The following MICU1 variants were observed in gnomAD, a reference collection of about 807,000 sequenced individuals.
MICU1 encodes calcium uptake protein 1, mitochondrial.
In MICU1, 45 loss-of-function variants were observed where a neutral mutation model predicts 56.8. That is an observed-to-expected ratio of 0.79 (90% CI 0.62 to 1.02). The LOEUF (loss-of-function observed/expected upper bound fraction) is 1.02, where lower values mean the gene tolerates loss of function less well. Among genes scored for constraint, MICU1 ranks in the 50% least tolerant of loss-of-function variants. The pLI is 0.00. For synonymous variants in MICU1, 186 were observed against 195.1 expected (o/e 0.95, Z 0.39); for missense variants, 504 against 587.1 (o/e 0.86, Z 1.46).
At chr10:72,481,397 G>T (rs970210681) in intron 6 of MICU1, among the ~76,000 whole-genome samples, 2 of 151,892 alleles carry the variant, frequency 1.3e-5, no homozygotes, top group African/African-American at 2.4e-5. Flanking sequence ...AGGAATTTTG[G>T]TTTTTGTTTT....
chr10:72,499,894 T>C (rs1275557681), intron 6 of MICU1, among the ~76,000 whole-genome samples: 1 of 152,170 alleles, frequency 6.6e-6, no homozygotes, highest in Non-Finnish European at 1.5e-5. Flanking sequence ...TGCTCTTGAC[T>C]TCAGCATGGC....
At chr10:72,505,115 A>G (rs1471050297) in intron 6 of MICU1, among the ~76,000 whole-genome samples, 2 of 151,614 alleles carry the variant, frequency 1.3e-5, no homozygotes, top group Non-Finnish European at 2.9e-5. Flanking sequence ...CTGGGATTAC[A>G]GGCACCCACC....
chr10:72,388,908 C>G (rs1399894522), intron 10 of MICU1, among the ~76,000 whole-genome samples: 2 of 152,226 alleles, frequency 1.3e-5, no homozygotes, highest in African/African-American at 4.8e-5. Flanking sequence ...TTTTCCACCA[C>G]TAAGCTGGAT....
intron 8 of MICU1, among the ~76,000 whole-genome samples, chr10:72,466,535 G>C (rs755811848): frequency 2.6e-5 from 4 of 152,184 alleles, no homozygotes; most frequent in Non-Finnish European, 5.9e-5. Context: ...AGGCAAAGCG[G>C]AAGTACAAAA....
chr10:72,516,646 T>C (rs942168153), intron 5 of MICU1, among the ~76,000 whole-genome samples: 19 of 152,358 alleles, frequency 1.2e-4, no homozygotes, highest in Admixed American at 1.2e-3. Flanking sequence ...TTCAGTTTTC[T>C]GCATATGGCT....
intron 5 of MICU1, among the ~76,000 whole-genome samples, chr10:72,516,160 G>A (rs541173002): frequency 2.6e-5 from 4 of 152,182 alleles, no homozygotes; most frequent in South Asian, 2.1e-4. Flanking sequence ...ATCTCATTGC[G>A]GTTTTGATTT....
rs1240041313 is a variant in MICU1 at position 72,607,004 on chromosome 10, A to G, written c.-2+19006T>C. Among the ~76,000 whole-genome samples the G allele has an allele frequency of 4.6e-5, 7 of 152,250 alleles. No homozygotes were observed. The East Asian group carries it at 1.3e-3, about 29-fold the overall frequency. ...CTTTCCCCTATACCTTGCCCTACGCAACTCTTACATCTGGCTGTTTCTTAG... is the reference window on the plus strand; with the variant it reads ...CTTTCCCCTATACCTTGCCCTACGCGACTCTTACATCTGGCTGTTTCTTAG... On this transcript the variant is annotated intron_variant, in intron 1 of 11. Transcript: ENST00000361114.
chr10:72,530,943 T>C (rs1477823142), intron 5 of MICU1, among the ~76,000 whole-genome samples: 2 of 152,216 alleles, frequency 1.3e-5, no homozygotes, highest in Non-Finnish European at 2.9e-5. Context: ...CATCTGGAGG[T>C]TCCATTATTC....
intron 8 of MICU1, among the ~76,000 whole-genome samples, chr10:72,432,727 C>T (rs916127546): frequency 3.9e-5 from 6 of 152,270 alleles, no homozygotes; most frequent in African/African-American, 1.2e-4. Context: ...ACTATGGGGA[C>T]GGCACCAGGC....
intron 1 of MICU1, among the ~76,000 whole-genome samples, chr10:72,577,060 C>T (rs1443742520): frequency 6.6e-6 from 1 of 152,076 alleles, no homozygotes; most frequent in Non-Finnish European, 1.5e-5. Flanking sequence ...GGAGGCCATT[C>T]TTCTAAGTGA....
At chr10:72,461,142 C>T (rs185706732) in intron 8 of MICU1, among the ~76,000 whole-genome samples, 81 of 152,240 alleles carry the variant, frequency 5.3e-4, no homozygotes, top group African/African-American at 1.9e-3. Flanking sequence ...TCTTAATGAT[C>T]TTTGCAGACC....
At chr10:72,430,054 C>T (rs1415433026) in intron 8 of MICU1, among the ~76,000 whole-genome samples, 2 of 152,248 alleles carry the variant, frequency 1.3e-5, no homozygotes, top group East Asian at 3.9e-4. Flanking sequence ...AGTTTGTGGG[C>T]CTCTTCTAGA....
intron 10 of MICU1, among the ~76,000 whole-genome samples, chr10:72,397,866 C>T (rs1863320135): frequency 6.6e-6 from 1 of 152,154 alleles, no homozygotes; most frequent in African/African-American, 2.4e-5. Flanking sequence ...CAATACTAGA[C>T]AGATCAATGA....
chr10:72,419,248 A>T (rs1299237609), intron 9 of MICU1, among the ~76,000 whole-genome samples: 1 of 152,246 alleles, frequency 6.6e-6, no homozygotes, highest in Non-Finnish European at 1.5e-5. Context: ...CTTCCAGCAT[A>T]GGGGTAAAAA....
At chr10:72,456,946 G>GGTGTGTGTGTGTGGGTGTGT (rs1479978263) in intron 8 of MICU1, among the ~76,000 whole-genome samples, 13 of 117,790 alleles carry the variant, frequency 1.1e-4, no homozygotes, top group African/African-American at 3.8e-4. Flanking sequence ...ATATTGCCCA[G>GGTGTGTGTGTGTGGGTGTGT]GTGTGTGTGT....
chr10:72,584,500 A>G (rs1200022514), intron 1 of MICU1, among the ~76,000 whole-genome samples: 1 of 152,074 alleles, frequency 6.6e-6, no homozygotes, highest in African/African-American at 2.4e-5. Context: ...ATCATCTCCA[A>G]TTTGATTTTC....
At chr10:72,371,513 C>T (rs547750857) in intron 11 of MICU1, among the ~76,000 whole-genome samples, 63 of 150,128 alleles carry the variant, frequency 4.2e-4, no homozygotes, top group African/African-American at 1.4e-3. Flanking sequence ...GAGGCCAAGA[C>T]GGGTGGAGAA....
chr10:72,464,375 C>T (rs974675836), intron 8 of MICU1, among the ~76,000 whole-genome samples: 1 of 151,086 alleles, frequency 6.6e-6, no homozygotes, highest in Non-Finnish European at 1.5e-5. Context: ...CGCGCACACA[C>T]GTATACATAC....
chr10:72,395,136 A>G (rs28840397), intron 10 of MICU1, among the ~76,000 whole-genome samples: 84,472 of 151,812 alleles, frequency 0.56, 24,470 homozygotes, highest in Non-Finnish European at 0.65. Context: ...CCAAGATCAT[A>G]CCACTACACT....
Sources: gnomAD v4.1 joint callset for allele counts (sites outside exome capture counted in the v4.1 genomes callset) on GRCh38, gnomAD v4.1.1 for gene constraint, MANE v1.5 for transcripts, NCBI Gene and HGNC (gene_info 2026-07-23, HGNC 2026-07-21) for gene names.